UNC13C: variants seen among roughly 807,000 people sequenced by gnomAD.
The protein encoded by UNC13C is protein unc-13 homolog C.
UNC13C carries 174 observed loss-of-function variants against 245.4 expected under a neutral mutation model. The observed-to-expected ratio is 0.71, with a 90% CI of 0.63 to 0.80. UNC13C has a LOEUF of 0.80. Among genes scored for constraint, UNC13C ranks in the 30% least tolerant of loss-of-function variants. UNC13C has a pLI of 0.00. For missense variants in UNC13C, 2,829 were observed against 2,602.9 expected (o/e 1.09, Z -1.89); for synonymous variants, 992 against 895.1 (o/e 1.11, Z -1.93).
chr15:54,463,951 G>C (rs144729525), intron 19 of UNC13C, among the ~76,000 whole-genome samples: 90 of 152,250 alleles, frequency 5.9e-4, no homozygotes, highest in African/African-American at 2.0e-3. Context: ...TATAGCCAGG[G>C]CACTAAAAAG....
intron 4 of UNC13C, among the ~76,000 whole-genome samples, chr15:54,234,336 G>A (rs8025731): frequency 0.32 from 47,937 of 151,546 alleles, 8,210 homozygotes; most frequent in African/African-American, 0.45. Flanking sequence ...TTATGTATGC[G>A]CACATATATT....
At chr15:54,320,945 A>G in intron 13 of UNC13C, 1 of 373,748 alleles carries the variant, frequency 2.7e-6, no homozygotes, top group South Asian at 2.2e-5. Flanking sequence ...CATTATTACC[A>G]AATCCATTAT....
chr15:53,987,979 A>G (rs561993978), intron 1 of UNC13C, among the ~76,000 whole-genome samples: 1 of 151,910 alleles, frequency 6.6e-6, no homozygotes, highest in South Asian at 2.1e-4. Context: ...TTCAGACGAG[A>G]TGGGTTTGTG....
chr15:54,509,391 T>C (rs140003930), intron 23 of UNC13C, among the ~76,000 whole-genome samples: 2 of 152,322 alleles, frequency 1.3e-5, no homozygotes, highest in Non-Finnish European at 2.9e-5. Flanking sequence ...GACATCACAA[T>C]CTAAATTAGA....
intron 19 of UNC13C, among the ~76,000 whole-genome samples, chr15:54,457,001 T>A (rs1891567217): frequency 6.6e-6 from 1 of 152,150 alleles, no homozygotes; most frequent in South Asian, 2.1e-4. Flanking sequence ...TTCAGTATAA[T>A]GTTGGCTGTG....
intron 16 of UNC13C, among the ~76,000 whole-genome samples, chr15:54,336,600 A>G (rs2141002146): frequency 6.6e-6 from 1 of 151,540 alleles, no homozygotes; most frequent in South Asian, 2.1e-4. Context: ...ATTTGGGCAT[A>G]TTTTTTATTT....
At chr15:54,371,451 G>C (rs542751801) in intron 17 of UNC13C, among the ~76,000 whole-genome samples, 1 of 152,194 alleles carries the variant, frequency 6.6e-6, no homozygotes, top group African/African-American at 2.4e-5. Flanking sequence ...TTTCCAAGTT[G>C]AATAAAGCGG....
At position 54,405,468 on chromosome 15, in the gene UNC13C, A is replaced by G. The variant is rs575288265; in HGVS notation, c.4848-9514A>G. 3.3e-5 allele frequency among the ~76,000 whole-genome samples: 5 copies of G among 152,300 alleles called. No homozygotes were observed. In the South Asian group the frequency reaches 1.0e-3, roughly 32 times the overall value. ...GAAGTATTCAATTGTGGAATGTCAG[A>G]AAAACAAACTCTGCCTTTTAAATAA... On this transcript the variant is annotated intron_variant, in intron 18 of 32. Coordinates refer to ENST00000260323, the MANE Select transcript of UNC13C (RefSeq NM_001080534.3).
chr15:54,042,086 T>G (rs907896992), intron 2 of UNC13C, among the ~76,000 whole-genome samples: 1 of 152,168 alleles, frequency 6.6e-6, no homozygotes, highest in South Asian at 2.1e-4. Flanking sequence ...AAATTTGGGG[T>G]GCTTAACTGG....
chr15:54,264,507 T>C, intron 9 of UNC13C, 112 bp downstream of exon 9: 1 of 860,948 alleles, frequency 1.2e-6, no homozygotes, highest in South Asian at 1.8e-5. Flanking sequence ...TTTTGAATCA[T>C]GTTAATATGA....
chr15:54,502,719 A>T (rs1283856356), intron 22 of UNC13C, among the ~76,000 whole-genome samples: 2 of 152,120 alleles, frequency 1.3e-5, no homozygotes, highest in Non-Finnish European at 2.9e-5. Flanking sequence ...AGAATTTAAA[A>T]ATCTCAGGGT....
At position 53,978,811 on chromosome 15, in the gene UNC13C, G is replaced by A. The variant is rs1893805593; in HGVS notation, c.-373G>A. ...CTATTTGTGATTGAAAAAAGGAAAC[G>A]AGACTAGAAACACAATTGCAAGTGG... On this transcript the variant is annotated 5_prime_UTR_variant, in exon 1 of 33. Coordinates refer to ENST00000260323, the MANE Select transcript of UNC13C (RefSeq NM_001080534.3). 6.6e-6 allele frequency among the ~76,000 whole-genome samples: 1 copy of A among 152,072 alleles called. No homozygotes were observed. Among genetic ancestry groups the A allele is most frequent in the Non-Finnish European group, 1.5e-5 (1 of 68,008 alleles).
chr15:53,883,673 CT>C, the UNC13C span, among the ~76,000 whole-genome samples: 3 of 152,094 alleles, frequency 2.0e-5, no homozygotes, highest in Admixed American at 2.0e-4. Context: ...AAGACTTTTT[CT>C]TTTAGTCATT....
intron 4 of UNC13C, among the ~76,000 whole-genome samples, chr15:54,180,843 T>G (rs2141302148): frequency 6.6e-6 from 1 of 152,130 alleles, no homozygotes; most frequent in South Asian, 2.1e-4. Context: ...GCATTATTCA[T>G]TTTTTTGCTT....
intron 2 of UNC13C, among the ~76,000 whole-genome samples, chr15:54,036,180 C>T (rs893408129): frequency 6.6e-6 from 1 of 152,142 alleles, no homozygotes; most frequent in Non-Finnish European, 1.5e-5. Context: ...CAAGTTGTTA[C>T]TGATAAAAGC....
At chr15:53,957,894 G>A in the UNC13C span, among the ~76,000 whole-genome samples, 27 of 152,128 alleles carry the variant, frequency 1.8e-4, no homozygotes, top group Non-Finnish European at 4.0e-4. Context: ...GTTAACAGAG[G>A]CATCAGCAAA....
the UNC13C span, chr15:53,914,634 C>T: frequency 0.017 from 2,617 of 152,644 alleles, 113 homozygotes; most frequent in East Asian, 0.15. Context: ...ACAGCCGAGA[C>T]ACAGGCGAAC....
chr15:54,239,813 A>G (rs1414580865), intron 7 of UNC13C, among the ~76,000 whole-genome samples: 1 of 152,200 alleles, frequency 6.6e-6, no homozygotes, highest in Non-Finnish European at 1.5e-5. Context: ...TAGTTTGGGC[A>G]CAAGACAAAG....
At position 54,310,554 on chromosome 15, in the gene UNC13C, G is replaced by C. The variant is rs143683084; in HGVS notation, c.4268+10181G>C. On this transcript the variant is annotated intron_variant, in intron 13 of 32. Transcript: ENST00000260323. ...ATATTCAGAAAGGCATAGCATGTTA[G>C]AGCATGTAAGGGTTAGATCTTCTAA... is the stretch of plus-strand genomic sequence containing the variant. Among the ~76,000 whole-genome samples the C allele has an allele frequency of 3.2e-4, 49 of 151,920 alleles. No homozygotes were observed. The East Asian group carries it at 9.2e-3, about 28-fold the overall frequency.
Sources: allele counts gnomAD v4.1 joint callset (sites outside exome capture counted in the v4.1 genomes callset), GRCh38; gene constraint gnomAD v4.1.1; transcripts MANE v1.5; gene names NCBI Gene and HGNC (gene_info 2026-07-23, HGNC 2026-07-21).